The following FAM135B variants were observed in gnomAD, a reference collection of about 807,000 sequenced individuals.
FAM135B encodes the protein family with sequence similarity 135 member B.
A neutral mutation model predicts 127.7 loss-of-function variants in FAM135B; 43 were observed. That is an observed-to-expected ratio of 0.34 (90% CI 0.26 to 0.43). The LOEUF (loss-of-function observed/expected upper bound fraction) is 0.43, where lower values mean the gene tolerates loss of function less well. FAM135B is among the 20% of genes least tolerant of loss of function. The probability of loss-of-function intolerance (pLI) is 1.00; values close to 1 mark genes in which losing one functional copy is unlikely to be tolerated. For missense variants in FAM135B, 1,558 were observed against 1,725.6 expected (o/e 0.90, Z 1.72); for synonymous variants, 670 against 665.1 (o/e 1.01, Z -0.11).
In FAM135B at chr8:138,388,125, C is replaced by A. The variant is rs140236371; in HGVS notation, c.-19-20123G>T. Among the ~76,000 whole-genome samples, 209 of 152,068 alleles carry A rather than the reference C, an allele frequency of 1.4e-3. 1 individual carries two copies. The highest frequency in any genetic ancestry group is 2.4e-3 in the Non-Finnish European group (161 of 68,004). On this transcript the variant is annotated intron_variant, in intron 1 of 19. Coordinates refer to ENST00000395297, the MANE Select transcript of FAM135B (RefSeq NM_015912.4). ...TCAGCACAAAAAGACACACAGATGG[C>A]AAATAAGCATATGAAAAGATGTTCC...
At chr8:138,177,143 G>A (rs1814547131) in intron 11 of FAM135B, among the ~76,000 whole-genome samples, 1 of 152,132 alleles carries the variant, frequency 6.6e-6, no homozygotes, top group Non-Finnish European at 1.5e-5. Flanking sequence ...GAAAATTTTG[G>A]CTGGTGACCT....
chr8:138,142,808 T>A (rs940787534), intron 16 of FAM135B: 2 of 462,936 alleles, frequency 4.3e-6, no homozygotes, highest in Non-Finnish European at 7.7e-6. Context: ...AAATTTTTAT[T>A]CTCCCTGACA....
At chr8:138,298,705 C>T (rs77811144) in intron 3 of FAM135B, among the ~76,000 whole-genome samples, 2,871 of 152,036 alleles carry the variant, frequency 0.019, 94 homozygotes, top group African/African-American at 0.066. Flanking sequence ...AACCCTGACC[C>T]CACCTCTTAT....
intron 7 of FAM135B, among the ~76,000 whole-genome samples, chr8:138,206,483 A>G (rs1817635556): frequency 1.3e-5 from 2 of 151,128 alleles, no homozygotes; most frequent in Non-Finnish European, 3.0e-5. Context: ...CCACCTACAC[A>G]CAGCTCTATC....
chr8:138,264,071 C>T (rs1350428493), intron 4 of FAM135B, among the ~76,000 whole-genome samples: 2 of 152,226 alleles, frequency 1.3e-5, no homozygotes, highest in Non-Finnish European at 2.9e-5. Context: ...TTTCCCCTCC[C>T]TCTCTGTGCA....
chr8:138,147,336 A>G (rs1817739317), intron 14 of FAM135B, among the ~76,000 whole-genome samples: 1 of 152,080 alleles, frequency 6.6e-6, no homozygotes, highest in South Asian at 2.1e-4. Context: ...AGTAATGGGT[A>G]GAAATGGCCC....
intron 7 of FAM135B, among the ~76,000 whole-genome samples, chr8:138,200,324 C>CA: frequency 6.6e-6 from 1 of 152,310 alleles, no homozygotes; most frequent in South Asian, 2.1e-4. Flanking sequence ...CATATATTCA[C>CA]ATTTCTACAA....
chr8:138,435,904 T>G (rs1835428193), intron 1 of FAM135B, among the ~76,000 whole-genome samples: 1 of 152,180 alleles, frequency 6.6e-6, no homozygotes, highest in African/African-American at 2.4e-5. Flanking sequence ...GATTCAAGAC[T>G]GGGGATCTGG....
In FAM135B at chr8:138,206,215, T is replaced by G. The variant is rs541114892; in HGVS notation, c.670-8546A>C. 2.7e-5 allele frequency among the ~76,000 whole-genome samples: 4 copies of G among 146,566 alleles called. No homozygotes were observed. The South Asian group carries it at 8.8e-4, about 32-fold the overall frequency. ...CCCTTCACTACCCACAGCTCTCTCATCCCCTCCACCTACACACAGCTCTCT... is the reference window on the plus strand; with the variant it reads ...CCCTTCACTACCCACAGCTCTCTCAGCCCCTCCACCTACACACAGCTCTCT... On this transcript the variant is annotated intron_variant, in intron 7 of 19. Coordinates refer to ENST00000395297, the MANE Select transcript of FAM135B (RefSeq NM_015912.4).
intron 1 of FAM135B, among the ~76,000 whole-genome samples, chr8:138,396,358 C>T (rs545567580): frequency 1.3e-5 from 2 of 152,268 alleles, no homozygotes; most frequent in South Asian, 4.1e-4. Flanking sequence ...ACAGCCACTT[C>T]CCAGCTTTGT....
chr8:138,262,394 T>C (rs1401387532), intron 4 of FAM135B, among the ~76,000 whole-genome samples: 1 of 152,110 alleles, frequency 6.6e-6, no homozygotes, highest in African/African-American at 2.4e-5. Flanking sequence ...AATGGAGCAT[T>C]GTTTTCTTAT....
At chr8:138,322,013 GAGGGAA>G (rs1386186483) in intron 2 of FAM135B, among the ~76,000 whole-genome samples, 2 of 152,186 alleles carry the variant, frequency 1.3e-5, no homozygotes, top group African/African-American at 4.8e-5. Flanking sequence ...TGAGCTTCAG[GAGGGAA>G]CCACGGAAGG....
chr8:138,340,259 C>T (rs1189766293), intron 2 of FAM135B, among the ~76,000 whole-genome samples: 3 of 152,064 alleles, frequency 2.0e-5, no homozygotes, highest in South Asian at 2.1e-4. Context: ...AATAATAATG[C>T]CACACCAGAA....
chr8:138,222,915 T>C (rs994182383), intron 7 of FAM135B, among the ~76,000 whole-genome samples: 1 of 152,188 alleles, frequency 6.6e-6, no homozygotes, highest in South Asian at 2.1e-4. Context: ...CTTCTGCAAC[T>C]GCAGGTAGGG....
intron 1 of FAM135B, among the ~76,000 whole-genome samples, chr8:138,469,380 G>A (rs570851919): frequency 6.6e-6 from 1 of 152,202 alleles, no homozygotes; most frequent in East Asian, 1.9e-4. Flanking sequence ...GGCAACTAGT[G>A]ACTAGGCACA....
chr8:138,179,319 A>G (rs1814782261), intron 9 of FAM135B, among the ~76,000 whole-genome samples: 1 of 152,328 alleles, frequency 6.6e-6, no homozygotes, highest in East Asian at 1.9e-4. Flanking sequence ...TGGACGCAGT[A>G]CTTCACAGCA....
At chr8:138,271,331 G>A (rs553550170) in intron 3 of FAM135B, among the ~76,000 whole-genome samples, 153 of 152,268 alleles carry the variant, frequency 1.0e-3, no homozygotes, top group African/African-American at 3.5e-3. Flanking sequence ...GTACCCTGCT[G>A]CACATGGAGT....
intron 2 of FAM135B, among the ~76,000 whole-genome samples, chr8:138,350,388 CA>C (rs996236993): frequency 2.0e-5 from 3 of 152,086 alleles, no homozygotes; most frequent in Non-Finnish European, 4.4e-5. Flanking sequence ...GACAATTTTG[CA>C]AATCAATCCT....
At chr8:138,290,837 A>C (rs749667018) in intron 3 of FAM135B, among the ~76,000 whole-genome samples, 1 of 152,130 alleles carries the variant, frequency 6.6e-6, no homozygotes, top group Non-Finnish European at 1.5e-5. Context: ...TGCAGCTGAG[A>C]CATTTTGATT....
Sources: gnomAD v4.1 joint callset for allele counts (sites outside exome capture counted in the v4.1 genomes callset) on GRCh38, gnomAD v4.1.1 for gene constraint, MANE v1.5 for transcripts, NCBI Gene and HGNC (gene_info 2026-07-23, HGNC 2026-07-21) for gene names.